Variants in MYH3 observed in about 807,000 individuals in gnomAD.
The protein encoded by MYH3 is myosin-3.
A neutral mutation model predicts 238.0 loss-of-function variants in MYH3; 130 were observed. That is an observed-to-expected ratio of 0.55 (90% confidence interval 0.47 to 0.63). The LOEUF (loss-of-function observed/expected upper bound fraction) is 0.63, where lower values mean the gene tolerates loss of function less well. Ranked by LOEUF, MYH3 falls within the 30% of genes least tolerant of loss-of-function variation. The probability of loss-of-function intolerance (pLI) is 0.00; values close to 1 mark genes in which losing one functional copy is unlikely to be tolerated. For missense variants in MYH3, 1,853 were observed against 2,374.9 expected (o/e 0.78, Z 4.57); for synonymous variants, 880 against 924.1 (o/e 0.95, Z 0.86).
chr17:10,656,669 T>A (rs2074434438), intron 1 of MYH3, among the ~76,000 whole-genome samples: 1 of 152,144 alleles, frequency 6.6e-6, no homozygotes, highest in Admixed American at 6.5e-5. Flanking sequence ...AAATCTGGTT[T>A]CTCTCAGCCT....
At chr17:10,641,964 T>C (rs900471584) in intron 17 of MYH3, among the ~76,000 whole-genome samples, 4 of 152,230 alleles carry the variant, frequency 2.6e-5, no homozygotes, top group Admixed American at 6.5e-5. Flanking sequence ...GCGTGAGGTC[T>C]ATTGCTGGTG....
the MYH3 span, among the ~76,000 whole-genome samples, chr17:10,666,751 GACAAAA>G: frequency 2.6e-5 from 4 of 151,820 alleles, no homozygotes; most frequent in East Asian, 7.7e-4. Context: ...AACAGAGCAA[GACAAAA>G]ACAAAAACAA....
chr17:10,672,992 ATTTTTCTTT>A, the MYH3 span: 1 of 130,504 alleles, frequency 7.7e-6, no homozygotes, highest in Non-Finnish European at 1.5e-5. Context: ...AGCTGCCCTA[ATTTTTCTTT>A]TTTTTCTTTT....
chr17:10,667,350 A>G, the MYH3 span, among the ~76,000 whole-genome samples: 2 of 152,342 alleles, frequency 1.3e-5, no homozygotes, highest in East Asian at 3.9e-4. Context: ...TGAATAAATT[A>G]TGTTATATCC....
chr17:10,634,780 C>T, intron 31 of MYH3, 60 bp downstream of exon 31: 6 of 1,606,564 alleles, frequency 3.7e-6, no homozygotes, highest in Non-Finnish European at 5.1e-6. Context: ...CTCCTCCTTC[C>T]ACGGCTGCTA....
the MYH3 span, chr17:10,676,592 A>C: frequency 1.3e-5 from 2 of 152,224 alleles, no homozygotes; most frequent in African/African-American, 4.8e-5. Context: ...GGAAAAAAAG[A>C]AAACTCAAGT....
intron 4 of MYH3, chr17:10,652,138 G>A: frequency 4.1e-6 from 2 of 487,578 alleles, no homozygotes; most frequent in Non-Finnish European, 7.5e-6. Flanking sequence ...AAAAAGGGGA[G>A]TGGCGACCCT....
At position 10,630,192 on chromosome 17, in the gene MYH3, C is replaced by T. The variant is rs767892414; in HGVS notation, c.5462G>A (p.Arg1821Gln). ...KQIQKLETRI[R>Q]ELEFELEGEQ... ...TCCCTCAAGTTCAAACTCCAGCTCTCGGATCTGGGGGAGAGGGTGGGGAAA... is the reference window on the plus strand; with the variant it reads ...TCCCTCAAGTTCAAACTCCAGCTCTTGGATCTGGGGGAGAGGGTGGGGAAA... The change falls in exon 38 of 41, where the codon CGA (arginine) becomes CAA (glutamine). Residue 1821 changes from arginine (R) to glutamine (Q), a missense_variant. Arg to Gln is a conservative substitution (Grantham distance 43). Transcript: ENST00000583535. 1.2e-6 allele frequency: 2 copies of T among 1,614,136 alleles called. No individual in the cohort carries two copies. Among genetic ancestry groups the T allele is most frequent in the Non-Finnish European group, 1.7e-6 (2 of 1,180,014 alleles).
chr17:10,637,735 C>A, intron 28 of MYH3, 74 bp downstream of exon 28: 1 of 1,599,290 alleles, frequency 6.3e-7, no homozygotes, highest in Non-Finnish European at 8.6e-7. Context: ...CACACCCTGC[C>A]CTTGGTTTTG....
the MYH3 span, among the ~76,000 whole-genome samples, chr17:10,667,042 G>A: frequency 6.6e-6 from 1 of 152,160 alleles, no homozygotes; most frequent in Non-Finnish European, 1.5e-5. Flanking sequence ...CAATCACATT[G>A]GAGAAAATCC....
chr17:10,664,058 G>A, the MYH3 span, among the ~76,000 whole-genome samples: 586 of 86,918 alleles, frequency 6.7e-3, 2 homozygotes, highest in African/African-American at 0.031. Context: ...GTGAGACTCC[G>A]TCTTAAAAAA....
Position 10,633,848 on chromosome 17 carries a change from T to C in MYH3, c.4523-133A>G, listed in dbSNP as rs77479161. On this transcript the variant is annotated intron_variant, in intron 32 of 40. Transcript: ENST00000583535. ...TTCCTGCTTCCTAGAGATAAGATAT[T>C]GTACAGAGAGAGGCTAAAACGTAAC... 0.055 allele frequency: 82,168 copies of C among 1,490,960 alleles called. 2,673 individuals carry two copies. The highest frequency in any genetic ancestry group is 0.065 in the Non-Finnish European group (70,231 of 1,079,970). The allele number at this position is 1,490,960 out of a possible 1,614,324, so 92.4% of individuals were successfully genotyped here.
intron 3 of MYH3, among the ~76,000 whole-genome samples, chr17:10,653,315 A>G (rs1332758592): frequency 6.6e-6 from 1 of 152,076 alleles, no homozygotes; most frequent in Non-Finnish European, 1.5e-5. Context: ...TGAGGCAGGG[A>G]CCGAAGAGAA....
chr17:10,635,985 G>T, intron 28 of MYH3, 132 bp from the exon 29 acceptor site: 2 of 806,364 alleles, frequency 2.5e-6, no homozygotes, highest in South Asian at 1.4e-5. Context: ...TCTTCAGGGA[G>T]AAGGTATATG....
At chr17:10,646,370 G>A (rs941517727) in intron 10 of MYH3, among the ~76,000 whole-genome samples, 4 of 152,106 alleles carry the variant, frequency 2.6e-5, no homozygotes, top group African/African-American at 9.7e-5. Context: ...GCCAACCCAG[G>A]TGGTTTGGTA....
rs979652503 is a variant in MYH3, at chr17:10,640,331, A to G, written c.2426+2T>C. ...CATGTCTGAACAAAGACCCTGCTGGACCTCCTCTGCACCATCTTCTGGAAT... is the reference window on the plus strand; with the variant it reads ...CATGTCTGAACAAAGACCCTGCTGGGCCTCCTCTGCACCATCTTCTGGAAT... On this transcript the variant is annotated splice_donor_variant, in intron 21 of 40. Transcript: ENST00000583535. LOFTEE classifies it high-confidence loss of function. 1.2e-6 allele frequency: 2 copies of G among 1,613,878 alleles called. No homozygotes were observed. Among genetic ancestry groups the G allele is most frequent in the African/African-American group, 2.7e-5 (2 of 74,858 alleles).
rs756443226 is a variant in MYH3, at chr17:10,641,386, A to T, written c.1960-14T>A. 14 of 1,581,516 alleles carry T rather than the reference A, an allele frequency of 8.9e-6. No individual in the cohort carries two copies. Among genetic ancestry groups the T allele is most frequent in the East Asian group, 2.2e-5 (1 of 44,744 alleles). On this transcript the variant is annotated splice_polypyrimidine_tract_variant and intron_variant, in intron 17 of 40. Coordinates refer to ENST00000583535, the MANE Select transcript of MYH3 (RefSeq NM_002470.4). ...GTTCAGGTTTTCCTAAGAGAAAAAA[A>T]AAATGACATTTGCCATCCTACTGTA...
the MYH3 span, chr17:10,677,498 T>C: frequency 6.6e-6 from 1 of 152,216 alleles, no homozygotes; most frequent in East Asian, 1.9e-4. Context: ...AAAATATTAA[T>C]GTCAATTTCT....
rs1390823730 is a variant in MYH3, at chr17:10,633,722, A to G, written c.4523-7T>C. On this transcript the variant is annotated splice_region_variant and splice_polypyrimidine_tract_variant and intron_variant, in intron 32 of 40. Coordinates refer to ENST00000583535, the MANE Select transcript of MYH3 (RefSeq NM_002470.4). Reference sequence around the variant, plus strand: ...GTGAGATCTGCTATCTCCTCTGTAAAGAAGTAAGTTTCAGTTGCATATGAG... The same window carrying G: ...GTGAGATCTGCTATCTCCTCTGTAAGGAAGTAAGTTTCAGTTGCATATGAG... The G allele has an allele frequency of 6.8e-6, 11 of 1,613,866 alleles. No individual in the cohort carries two copies. The highest frequency in any genetic ancestry group is 9.3e-6 in the Non-Finnish European group (11 of 1,180,006).
Sources: gnomAD v4.1 joint callset for allele counts (sites outside exome capture counted in the v4.1 genomes callset) on GRCh38, gnomAD v4.1.1 for gene constraint, MANE v1.5 for transcripts, NCBI Gene and HGNC (gene_info 2026-07-23, HGNC 2026-07-21) for gene names.